HMGCS2: variants seen among roughly 807,000 people sequenced by gnomAD.
HMGCS2 encodes 3-hydroxy-3-methylglutaryl-CoA synthase 2.
Under a neutral mutation model 57.4 loss-of-function variants are expected in HMGCS2, and 50 were observed. The ratio of observed to expected loss-of-function variants is 0.87; its 90% CI spans 0.69 to 1.10. The LOEUF is 1.10. Ranked by LOEUF, HMGCS2 falls within the 50% of genes least tolerant of loss-of-function variation. The probability of loss-of-function intolerance (pLI) is 0.00; values close to 1 mark genes in which losing one functional copy is unlikely to be tolerated. For missense variants in HMGCS2, 627 were observed against 636.5 expected (o/e 0.99, Z 0.16); for synonymous variants, 254 against 245.1 (o/e 1.04, Z -0.34).
intron 2 of HMGCS2, 84 bp downstream of exon 2, chr1:119,764,088 C>T: frequency 2.5e-6 from 3 of 1,192,934 alleles, no homozygotes; most frequent in Non-Finnish European, 3.7e-6. Context: ...GATGAAGCCA[C>T]CTGGGGAACT....
At chr1:119,754,876 G>C (rs1652784418) in intron 6 of HMGCS2, among the ~76,000 whole-genome samples, 1 of 152,160 alleles carries the variant, frequency 6.6e-6, no homozygotes, top group South Asian at 2.1e-4. Context: ...AACAGATCTT[G>C]CCCATCCCTT....
chr1:119,752,735 A>G, intron 7 of HMGCS2, 61 bp from the exon 8 acceptor site: 1 of 1,599,346 alleles, frequency 6.3e-7, no homozygotes, highest in East Asian at 2.2e-5. Flanking sequence ...ATTGCCAATC[A>G]CGAGTTCAAC....
At chr1:119,756,480 G>A (rs1321429636) in intron 5 of HMGCS2, among the ~76,000 whole-genome samples, 2 of 152,100 alleles carry the variant, frequency 1.3e-5, no homozygotes, top group Admixed American at 6.5e-5. Flanking sequence ...TTAGTGGCAG[G>A]GTTAGGAGTA....
chr1:119,762,112 A>C (rs939206411), intron 2 of HMGCS2, among the ~76,000 whole-genome samples: 3 of 152,240 alleles, frequency 2.0e-5, no homozygotes, highest in African/African-American at 7.2e-5. Flanking sequence ...TTGCTAAAAA[A>C]CTAAATATCC....
At chr1:119,764,730 C>G (rs1653162172) in intron 1 of HMGCS2, 104 bp from the exon 2 acceptor site, 1 of 907,700 alleles carries the variant, frequency 1.1e-6, no homozygotes, top group South Asian at 1.4e-5. Flanking sequence ...TATTTTGAAG[C>G]TATGTTATCA....
At chr1:119,749,786 C>A (rs1429010701) in intron 9 of HMGCS2, among the ~76,000 whole-genome samples, 2 of 152,124 alleles carry the variant, frequency 1.3e-5, no homozygotes, top group East Asian at 1.9e-4. Flanking sequence ...CTCGGCACAC[C>A]TTTTTCTTCT....
intron 7 of HMGCS2, among the ~76,000 whole-genome samples, chr1:119,753,051 T>A (rs927510214): frequency 6.6e-6 from 1 of 152,206 alleles, no homozygotes; most frequent in Non-Finnish European, 1.5e-5. Flanking sequence ...TTTCCCCATA[T>A]CCAGCTTTGT....
At chr1:119,759,414 C>T in intron 3 of HMGCS2, 132 bp from the exon 4 acceptor site, 1 of 831,216 alleles carries the variant, frequency 1.2e-6, no homozygotes, top group Non-Finnish European at 2.0e-6. Context: ...GCCCATTCAA[C>T]ATCCCTTGCA....
intron 1 of HMGCS2, among the ~76,000 whole-genome samples, chr1:119,766,792 A>G (rs1653246024): frequency 6.6e-6 from 1 of 151,794 alleles, no homozygotes; most frequent in African/African-American, 2.4e-5. Context: ...AGAAGCTTAG[A>G]ATGGGTCAGT....
At chr1:119,751,886 C>A (rs1652672119) in intron 8 of HMGCS2, among the ~76,000 whole-genome samples, 1 of 152,150 alleles carries the variant, frequency 6.6e-6, no homozygotes, top group Admixed American at 6.5e-5. Flanking sequence ...TATATAAAAC[C>A]TGTAGAAATC....
intron 1 of HMGCS2, among the ~76,000 whole-genome samples, chr1:119,766,488 A>G (rs1316273001): frequency 6.6e-6 from 1 of 152,252 alleles, no homozygotes; most frequent in Admixed American, 6.5e-5. Flanking sequence ...GCTGTGAGGC[A>G]AAAGTGGATC....
At chr1:119,758,464 C>T (rs1652925538) in intron 4 of HMGCS2, among the ~76,000 whole-genome samples, 1 of 152,182 alleles carries the variant, frequency 6.6e-6, no homozygotes, top group Middle Eastern at 3.4e-3. Flanking sequence ...TCTCAAATTC[C>T]TGGGTTCAAG....
At chr1:119,768,602 T>C (rs1653317589) in intron 1 of HMGCS2, 139 bp downstream of exon 1, 3 of 703,294 alleles carry the variant, frequency 4.3e-6, no homozygotes, top group African/African-American at 1.7e-5. Flanking sequence ...ACTGAGACCC[T>C]TTAAAGTTAA....
At chr1:119,757,128 G>T in intron 5 of HMGCS2, 145 bp downstream of exon 5, 1 of 1,336,854 alleles carries the variant, frequency 7.5e-7, no homozygotes. Flanking sequence ...CTACCCCGTG[G>T]AAGGACCTGG....
At chr1:119,765,275 A>AT (rs1653188745) in intron 1 of HMGCS2, among the ~76,000 whole-genome samples, 1 of 151,666 alleles carries the variant, frequency 6.6e-6, no homozygotes, top group Admixed American at 6.6e-5. Context: ...CGCCCAGCTA[A>AT]TTTTTTGTAT....
chr1:119,763,640 A>C (rs1653115114), intron 2 of HMGCS2, among the ~76,000 whole-genome samples: 3 of 152,226 alleles, frequency 2.0e-5, no homozygotes, highest in Non-Finnish European at 4.4e-5. Flanking sequence ...AGGTAATGTT[A>C]ATATGTTAAG....
At chr1:119,749,807 T>C (rs1652590908) in intron 9 of HMGCS2, among the ~76,000 whole-genome samples, 1 of 152,124 alleles carries the variant, frequency 6.6e-6, no homozygotes, top group African/African-American at 2.4e-5. Context: ...TCCCTCTCCA[T>C]CTACCAAAAG....
At chr1:119,759,096 T>G (rs1232895043) in intron 4 of HMGCS2, 22 bp downstream of exon 4, 1 of 1,613,680 alleles carries the variant, frequency 6.2e-7, no homozygotes, top group Non-Finnish European at 8.5e-7. Context: ...AGCCCCCACT[T>G]TCTGCCCTCT....
At chr1:119,768,337 G>T (rs1482415003) in intron 1 of HMGCS2, among the ~76,000 whole-genome samples, 1 of 152,216 alleles carries the variant, frequency 6.6e-6, no homozygotes, top group Admixed American at 6.5e-5. Context: ...TTCTGATTCT[G>T]CTGCAGTGAT....
Sources: allele counts gnomAD v4.1 joint callset (sites outside exome capture counted in the v4.1 genomes callset), GRCh38; gene constraint gnomAD v4.1.1; transcripts MANE v1.5; gene names NCBI Gene and HGNC (gene_info 2026-07-23, HGNC 2026-07-21).